The following OR2L5 variants were observed in gnomAD, a reference collection of about 807,000 sequenced individuals.
OR2L5 encodes the protein olfactory receptor 2L5.
For synonymous variants in OR2L5, 169 were observed against 142.0 expected (o/e 1.19, Z -1.35); for missense variants, 413 against 381.6 (o/e 1.08, Z -0.69).
In OR2L5 at chr1:248,013,704, G is replaced by T. The variant is rs1184701091; in HGVS notation, c.-56G>T. On this transcript the variant is annotated 5_prime_UTR_variant, in exon 1 of 2. Coordinates refer to ENST00000355281, the MANE Select transcript of OR2L5 (RefSeq NM_001258284.2). ...ATACGACTGCTGGCAGCCAACAAAG[G>T]CAGTGCGTGTTTGAAATTGAGGAGA... 1 of 152,058 alleles carries T rather than the reference G, an allele frequency of 6.6e-6. No individual in the cohort carries two copies. The highest frequency in any genetic ancestry group is 1.5e-5 in the Non-Finnish European group (1 of 68,000). 9.4% of individuals were successfully genotyped at this position (152,058 alleles called of 1,614,324 possible).
At chr1:248,015,681 G>T (rs1388971543) in intron 1 of OR2L5, among the ~76,000 whole-genome samples, 1 of 152,170 alleles carries the variant, frequency 6.6e-6, no homozygotes, top group African/African-American at 2.4e-5. Flanking sequence ...CTGGTAAAGT[G>T]TGGCTTGGAT....
rs142209813 is a variant in OR2L5 at position 248,020,038 on chromosome 1, C to T, written c.-21-1889C>T. On this transcript the variant is annotated intron_variant, in intron 1 of 1. Transcript: ENST00000355281. ...GCTCAAGCAGTCTGCCTGCCTCAGG[C>T]TCCCAGAGTGCTGGGATTACAGGTG... Among the ~76,000 whole-genome samples, 776 of 152,284 alleles carry T rather than the reference C, an allele frequency of 5.1e-3. 6 individuals are homozygous for T. Among genetic ancestry groups the T allele is most frequent in the African/African-American group, 0.017 (700 of 41,548 alleles).
rs1312432135 is a variant in OR2L5, at chr1:248,022,077, A to G, written c.130A>G (p.Met44Val). The part of the protein sequence containing the change: ...FLMALIGNLS[M>V]ILLIFLDTHL... ...AATGGCTCTAATTGGAAACCTATCC[A>G]TGATTCTTCTCATCTTCTTGGACAC... The change falls in exon 2 of 2, where the codon ATG (methionine) becomes GTG (valine). Residue 44 changes from methionine (M) to valine (V), a missense_variant. By Grantham distance (21) the Met-to-Val change is conservative. Transcript: ENST00000355281. 3.7e-6 allele frequency: 6 copies of G among 1,613,870 alleles called. No homozygotes were observed. The South Asian group carries it at 5.5e-5, about 15-fold the overall frequency.
Position 248,022,750 on chromosome 1 carries a change from C to A in OR2L5, c.803C>A (p.Thr268Lys). 6.2e-7 allele frequency: 1 copy of A among 1,614,120 alleles called. No homozygotes were observed. The highest frequency in any genetic ancestry group is 8.5e-7 in the Non-Finnish European group (1 of 1,180,010). ...TGTCCAAGATCCCTGCGATCTCTGA[C>A]AGAGGACAAGGTTCTGGCTGTTTTC... The part of the protein sequence containing the change: ...YLCPRSLRSL[T>K]EDKVLAVFYT... Residue 268 changes from threonine (T) to lysine (K), a missense_variant, in exon 2 of 2, where the codon ACA (threonine) becomes AAA (lysine). Coordinates refer to ENST00000355281, the MANE Select transcript of OR2L5 (RefSeq NM_001258284.2).
At chr1:248,019,811 C>T (rs946759541) in intron 1 of OR2L5, among the ~76,000 whole-genome samples, 8 of 151,694 alleles carry the variant, frequency 5.3e-5, no homozygotes, top group African/African-American at 1.5e-4. Flanking sequence ...GTTTGAGACA[C>T]GGTCTCACTC....
intron 1 of OR2L5, among the ~76,000 whole-genome samples, chr1:248,020,002 C>T (rs545954108): frequency 8.1e-4 from 123 of 152,182 alleles, no homozygotes; most frequent in Middle Eastern, 3.4e-3. Context: ...TGGTTGGTCT[C>T]AATGTTCTGA....
At chr1:248,018,433 A>G (rs772431386) in intron 1 of OR2L5, among the ~76,000 whole-genome samples, 2 of 152,190 alleles carry the variant, frequency 1.3e-5, no homozygotes, top group African/African-American at 4.8e-5. Flanking sequence ...ATTACATACT[A>G]TTGCATCAGT....
rs71642431 is a variant in OR2L5 at position 248,019,023 on chromosome 1, A to G, written c.-21-2904A>G. Reference sequence around the variant, plus strand: ...AATAGTCCATGTATGTACTCACTACATTTTTTATTGATTTCTCTGTGGACG... The same window carrying G: ...AATAGTCCATGTATGTACTCACTACGTTTTTTATTGATTTCTCTGTGGACG... On this transcript the variant is annotated intron_variant, in intron 1 of 1. Coordinates refer to ENST00000355281, the MANE Select transcript of OR2L5 (RefSeq NM_001258284.2). Among the ~76,000 whole-genome samples, 957 of 152,120 alleles carry G rather than the reference A, an allele frequency of 6.3e-3. 10 individuals carry two copies. The highest frequency in any genetic ancestry group is 0.061 in the Middle Eastern group (18 of 294).
chr1:248,022,943 A>C lies in OR2L5; in HGVS notation c.*57A>C, dbSNP rs561696753. On this transcript the variant is annotated 3_prime_UTR_variant, in exon 2 of 2. Transcript: ENST00000355281. The stretch of plus-strand genomic sequence containing the variant: ...GGTTCATATCAACTCAGCAGTGTAC[A>C]GCAGTGAAGAAAAACATTATTACAT... 2.1e-6 allele frequency: 3 copies of C among 1,463,006 alleles called. No individual in the cohort carries two copies. Among genetic ancestry groups the C allele is most frequent in the African/African-American group, 2.8e-5 (2 of 70,736 alleles). The allele number at this position is 1,463,006 out of a possible 1,614,324, so 90.6% of individuals were successfully genotyped here.
At chr1:248,020,760 TA>T (rs1662315194) in intron 1 of OR2L5, among the ~76,000 whole-genome samples, 2 of 152,034 alleles carry the variant, frequency 1.3e-5, no homozygotes, top group Middle Eastern at 3.2e-3. Context: ...TTGGAATTAT[TA>T]TTTTTTTATA....
chr1:248,017,649 G>A (rs931578542), intron 1 of OR2L5, among the ~76,000 whole-genome samples: 21 of 152,088 alleles, frequency 1.4e-4, no homozygotes, highest in Non-Finnish European at 2.6e-4. Context: ...ACATGCAGGG[G>A]GTGAGGAGAT....
intron 1 of OR2L5, among the ~76,000 whole-genome samples, chr1:248,019,676 G>GTTTATAGGAGAGTCTA (rs1662289397): frequency 6.6e-6 from 1 of 152,076 alleles, no homozygotes; most frequent in African/African-American, 2.4e-5. Flanking sequence ...ATATATTGCT[G>GTTTATAGGAGAGTCTA]TTTATAGGAG....
chr1:248,015,627 T>G (rs1246075618), intron 1 of OR2L5, among the ~76,000 whole-genome samples: 1 of 152,150 alleles, frequency 6.6e-6, no homozygotes, highest in Non-Finnish European at 1.5e-5. Flanking sequence ...GATATTTCAG[T>G]TATCCCTTCA....
At position 248,021,956 on chromosome 1, in the gene OR2L5, T is replaced by C. The variant is rs770345279; in HGVS notation, c.9T>C (p.Asn3=). 6.2e-7 allele frequency: 1 copy of C among 1,612,306 alleles called. No individual in the cohort carries two copies. Among genetic ancestry groups the C allele is most frequent in the South Asian group, 1.1e-5 (1 of 90,932 alleles). Residue 3 remains asparagine, a synonymous_variant, in exon 2 of 2, where the codon AAT becomes AAC. Transcript: ENST00000355281. ...GATCGTATGAATGCCCCATGGAAAA[T>C]TACAATCAAACGTCAACTGATTTCA... ME[N]YNQTSTDFIL...
At chr1:248,019,515 G>A (rs1383908793) in intron 1 of OR2L5, among the ~76,000 whole-genome samples, 1 of 152,054 alleles carries the variant, frequency 6.6e-6, no homozygotes, top group Non-Finnish European at 1.5e-5. Context: ...TTACACTTAG[G>A]TCTTTGATTT....
chr1:248,020,725 A>G (rs1662314330), intron 1 of OR2L5, among the ~76,000 whole-genome samples: 1 of 152,042 alleles, frequency 6.6e-6, no homozygotes, highest in Non-Finnish European at 1.5e-5. Flanking sequence ...CCAAATAATG[A>G]TGTCTGACTT....
At chr1:248,018,160 TAAAA>T (rs936469426) in intron 1 of OR2L5, among the ~76,000 whole-genome samples, 1 of 144,172 alleles carries the variant, frequency 6.9e-6, no homozygotes, top group Non-Finnish European at 1.5e-5. Flanking sequence ...CTCAAAAAAA[TAAAA>T]AAAAAAATTC....
Position 248,022,428 on chromosome 1 carries a change from T to G in OR2L5, c.481T>G (p.Tyr161Asp). The G allele has an allele frequency of 6.2e-7, 1 of 1,614,218 alleles. No individual in the cohort carries two copies. Among genetic ancestry groups the G allele is most frequent in the Non-Finnish European group, 8.5e-7 (1 of 1,180,024 alleles). Residue 161 changes from tyrosine (Y) to aspartate (D), a missense_variant, in exon 2 of 2, where the codon TAT becomes GAT. Tyr to Asp is a radical substitution (Grantham distance 160). Coordinates refer to ENST00000355281, the MANE Select transcript of OR2L5 (RefSeq NM_001258284.2). ...CATCAACTCTTGTGCTCACACAGTA[T>G]ATGCATTCCGTATCCCATATTGCAA... ...GSINSCAHTV[Y>D]AFRIPYCKSR...
Position 248,022,271 on chromosome 1 carries a change from T to G in OR2L5, c.324T>G (p.Gly108=), listed in dbSNP as rs781282335. 7 of 1,613,992 alleles carry G rather than the reference T, an allele frequency of 4.3e-6. No homozygotes were observed. The highest frequency in any genetic ancestry group is 5.9e-6 in the Non-Finnish European group (7 of 1,179,956). Residue 108 remains glycine (G), a synonymous_variant, in exon 2 of 2, where the codon GGT becomes GGG. Transcript: ENST00000355281. ...IQSFFFMTFA[G]AEALLLTSMA... ...GTTTCTTCTTCATGACTTTTGCAGG[T>G]GCAGAAGCGCTGCTCCTGACATCAA...
Sources: gnomAD v4.1 joint callset for allele counts (sites outside exome capture counted in the v4.1 genomes callset) on GRCh38, gnomAD v4.1.1 for gene constraint, MANE v1.5 for transcripts, NCBI Gene and HGNC (gene_info 2026-07-23, HGNC 2026-07-21) for gene names.